SLC2A13: variants seen among roughly 807,000 people sequenced by gnomAD.
The protein encoded by SLC2A13 is proton myo-inositol cotransporter.
Under a neutral mutation model 64.4 loss-of-function variants are expected in SLC2A13, and 32 were observed. The observed-to-expected ratio is 0.50, with a 90% CI of 0.37 to 0.67. The LOEUF (loss-of-function observed/expected upper bound fraction) is 0.67. SLC2A13 is among the 30% of genes least tolerant of loss of function. The pLI, the probability that SLC2A13 is intolerant of heterozygous loss-of-function variation, is 0.00. For synonymous variants in SLC2A13, 338 were observed against 327.1 expected (o/e 1.03, Z -0.36); for missense variants, 743 against 829.2 (o/e 0.90, Z 1.28).
At chr12:39,809,369 T>C (rs1942075619) in intron 7 of SLC2A13, among the ~76,000 whole-genome samples, 1 of 152,218 alleles carries the variant, frequency 6.6e-6, no homozygotes. Context: ...AGGAATGTTT[T>C]GGCCATTCCA....
chr12:39,944,900 T>A (rs1260117005), intron 4 of SLC2A13, among the ~76,000 whole-genome samples: 1 of 152,182 alleles, frequency 6.6e-6, no homozygotes, highest in Non-Finnish European at 1.5e-5. Context: ...GCCTGGGTAC[T>A]TTGGTTTTTG....
intron 4 of SLC2A13, among the ~76,000 whole-genome samples, chr12:39,918,867 G>T (rs1592282648): frequency 6.7e-6 from 1 of 149,174 alleles, no homozygotes. Flanking sequence ...AAAAAAAAAA[G>T]GGTTAAAAAC....
At chr12:40,092,546 GTCCCCTAAATTTATAA>G (rs1282784219) in intron 1 of SLC2A13, among the ~76,000 whole-genome samples, 1 of 151,844 alleles carries the variant, frequency 6.6e-6, no homozygotes, top group Non-Finnish European at 1.5e-5. Context: ...CATGTTTTTT[GTCCCCTAAATTTATAA>G]TCAGACCATA....
intron 4 of SLC2A13, among the ~76,000 whole-genome samples, chr12:39,885,597 A>G (rs1355414386): frequency 6.6e-6 from 1 of 152,138 alleles, no homozygotes; most frequent in Non-Finnish European, 1.5e-5. Context: ...TGAATATTAT[A>G]TTACCACCGA....
At chr12:40,048,521 CA>C (rs200048556) in intron 1 of SLC2A13, among the ~76,000 whole-genome samples, 1 of 151,366 alleles carries the variant, frequency 6.6e-6, no homozygotes, top group African/African-American at 2.4e-5. Context: ...CTAAAAATAG[CA>C]AAAAAAGTTC....
intron 6 of SLC2A13, among the ~76,000 whole-genome samples, chr12:39,848,241 A>G (rs1343187466): frequency 6.6e-6 from 1 of 152,216 alleles, no homozygotes; most frequent in African/African-American, 2.4e-5. Context: ...GTAAACAGAC[A>G]ACCTACAGAA....
intron 4 of SLC2A13, among the ~76,000 whole-genome samples, chr12:39,940,223 C>G (rs145922046): frequency 2.6e-4 from 40 of 152,160 alleles, no homozygotes; most frequent in African/African-American, 9.2e-4. Flanking sequence ...AGATGCTGCT[C>G]TAATACATTC....
chr12:39,966,142 G>T (rs28370710), intron 3 of SLC2A13, among the ~76,000 whole-genome samples: 2,879 of 151,150 alleles, frequency 0.019, 108 homozygotes, highest in African/African-American at 0.063. Context: ...TATATATAGA[G>T]AGAGAGAGAG....
intron 2 of SLC2A13, among the ~76,000 whole-genome samples, chr12:40,034,576 C>T (rs920042550): frequency 1.3e-5 from 2 of 152,172 alleles, no homozygotes; most frequent in East Asian, 1.9e-4. Context: ...ACTCTGTCTT[C>T]TGGCTTGCAC....
At chr12:39,892,046 T>A (rs114006827) in intron 4 of SLC2A13, among the ~76,000 whole-genome samples, 1,773 of 152,320 alleles carry the variant, frequency 0.012, 29 homozygotes, top group African/African-American at 0.039. Flanking sequence ...GAAGAGAAGA[T>A]CTATTAGGTA....
At chr12:39,984,235 C>A (rs919128677) in intron 3 of SLC2A13, among the ~76,000 whole-genome samples, 2 of 151,480 alleles carry the variant, frequency 1.3e-5, no homozygotes, top group Non-Finnish European at 2.9e-5. Flanking sequence ...TGCTAGATGA[C>A]GAGTTAGTGG....
intron 7 of SLC2A13, among the ~76,000 whole-genome samples, chr12:39,807,259 T>C (rs1942009016): frequency 6.6e-6 from 1 of 152,136 alleles, no homozygotes; most frequent in South Asian, 2.1e-4. Context: ...GGGATCCCTG[T>C]GGTAACAGAA....
chr12:39,895,981 C>T (rs1259387555), intron 4 of SLC2A13, among the ~76,000 whole-genome samples: 1 of 131,774 alleles, frequency 7.6e-6, no homozygotes, highest in African/African-American at 2.9e-5. Flanking sequence ...TATATGTATA[C>T]ATACATTCAT....
rs1477034867 is a variant in SLC2A13, at chr12:40,077,682, T to C, written c.556+27571A>G. 2.0e-5 allele frequency among the ~76,000 whole-genome samples: 3 copies of C among 152,248 alleles called. No individual in the cohort carries two copies. In the East Asian group the frequency reaches 5.8e-4, roughly 29 times the overall value. On this transcript the variant is annotated intron_variant, in intron 1 of 9. Coordinates refer to ENST00000280871, the MANE Select transcript of SLC2A13 (RefSeq NM_052885.4). ...ATTTTAGAATAGTTTTTTCTAATTC[T>C]GTGAAAAATGATATAGGTAGTTGGG...
Position 39,786,810 on chromosome 12 carries a change from G to A in SLC2A13, c.1446-21952C>T, listed in dbSNP as rs75008895. Among the ~76,000 whole-genome samples, 718 of 152,256 alleles carry A rather than the reference G, an allele frequency of 4.7e-3. 43 individuals carry two copies. In the East Asian group the frequency reaches 0.13, roughly 28 times the overall value. Reference sequence around the variant, plus strand: ...TTAAATCCCCTCTCTCCTGTAACAGGTGCAATGACTGTTTCCTCTGTGAGA... The same window carrying A: ...TTAAATCCCCTCTCTCCTGTAACAGATGCAATGACTGTTTCCTCTGTGAGA... On this transcript the variant is annotated intron_variant, in intron 7 of 9. Transcript: ENST00000280871.
chr12:39,911,731 T>A (rs1206691202), intron 4 of SLC2A13, among the ~76,000 whole-genome samples: 1 of 152,092 alleles, frequency 6.6e-6, no homozygotes, highest in Non-Finnish European at 1.5e-5. Context: ...AAGAAATTAC[T>A]GACCACCAAA....
intron 7 of SLC2A13, among the ~76,000 whole-genome samples, chr12:39,766,191 A>G (rs891239779): frequency 2.6e-5 from 4 of 152,008 alleles, no homozygotes; most frequent in Non-Finnish European, 5.9e-5. Context: ...TTATCCTTTC[A>G]GTATTCGTTT....
Position 40,072,821 on chromosome 12 carries a change from T to G in SLC2A13, c.557-24611A>C, listed in dbSNP as rs565854602. On this transcript the variant is annotated intron_variant, in intron 1 of 9. Transcript: ENST00000280871. ...CTTGTTTTTATAGGCACTCCTGCAA[T>G]CTGCCTTTTAATTGGTACATTTAGA... Among the ~76,000 whole-genome samples the G allele has an allele frequency of 2.0e-5, 3 of 152,252 alleles. No individual in the cohort carries two copies. In the South Asian group the frequency reaches 6.2e-4, roughly 32 times the overall value.
intron 4 of SLC2A13, among the ~76,000 whole-genome samples, chr12:39,875,889 A>G (rs1341803322): frequency 6.6e-6 from 1 of 152,222 alleles, no homozygotes; most frequent in Non-Finnish European, 1.5e-5. Context: ...CTAAACCTTT[A>G]TGCAGTAGTT....
Sources: allele counts gnomAD v4.1 joint callset (sites outside exome capture counted in the v4.1 genomes callset), GRCh38; gene constraint gnomAD v4.1.1; transcripts MANE v1.5; gene names NCBI Gene and HGNC (gene_info 2026-07-23, HGNC 2026-07-21).